Variants in PTPRF observed in about 807,000 individuals in gnomAD.
PTPRF encodes the protein receptor-type tyrosine-protein phosphatase F.
PTPRF carries 59 observed loss-of-function variants against 201.8 expected under a neutral mutation model. The ratio of observed to expected loss-of-function variants is 0.29; its 90% CI spans 0.24 to 0.36. PTPRF has a LOEUF of 0.36. Among genes scored for constraint, PTPRF ranks in the 10% least tolerant of loss-of-function variants. The pLI is 1.00. For synonymous variants in PTPRF, 1,088 were observed against 1,089.7 expected (o/e 1.00, Z 0.03); for missense variants, 2,132 against 2,690.5 (o/e 0.79, Z 4.59).
At chr1:43,550,910 T>A (rs1292760755) in intron 3 of PTPRF, among the ~76,000 whole-genome samples, 1 of 152,100 alleles carries the variant, frequency 6.6e-6, no homozygotes, top group Non-Finnish European at 1.5e-5. Context: ...AGCAGCAGCT[T>A]ATGCAAAGGC....
intron 6 of PTPRF, among the ~76,000 whole-genome samples, chr1:43,570,392 T>G (rs1377354656): frequency 1.3e-5 from 2 of 152,172 alleles, no homozygotes; most frequent in Non-Finnish European, 2.9e-5. Flanking sequence ...ATTGATTCAG[T>G]TTTTGTGGGA....
chr1:43,583,157 G>A, intron 7 of PTPRF: 1 of 947,702 alleles, frequency 1.1e-6, no homozygotes. Flanking sequence ...CCTGTCAGTA[G>A]GGCCCAGCGG....
chr1:43,588,921 C>T lies in PTPRF; in HGVS notation c.870C>T (p.Val290=), dbSNP rs114690006. Residue 290 remains valine, a synonymous_variant, in exon 8 of 34, where the codon GTC becomes GTT. Coordinates refer to ENST00000359947, the MANE Select transcript of PTPRF (RefSeq NM_002840.5). The surrounding 1 kb of genome is among the most constrained non-coding windows in gnomAD (Gnocchi z 5.3). ...GCAACGTCCTGGAGCTCAGCAATGT[C>T]GTACGCTCTGCCAACTACACCTGTG... ...VGRNVLELSN[V]VRSANYTCVA... is the part of the protein sequence containing the mutation. The T allele has an allele frequency of 7.5e-5, 120 of 1,609,068 alleles. No individual in the cohort carries two copies. In the African/African-American group the frequency reaches 1.2e-3, roughly 16 times the overall value.
At position 43,546,351 on chromosome 1, in the gene PTPRF, CAAAG is replaced by C. The variant is rs796084964; in HGVS notation, c.91+1187_91+1190del. Among the ~76,000 whole-genome samples the C allele has an allele frequency of 1.3e-5, 2 of 152,014 alleles. No homozygotes were observed. The highest frequency in any genetic ancestry group is 4.8e-5 in the African/African-American group (2 of 41,468). ...AAAGGGTCATGGGAGCACCAGGTAC[CAAAG>C]AGAGGGCTGGGCAGGTGAGAGCAAG... is the stretch of plus-strand genomic sequence containing the variant. On this transcript the variant is annotated intron_variant, in intron 3 of 33. Coordinates refer to ENST00000359947, the MANE Select transcript of PTPRF (RefSeq NM_002840.5). The surrounding 1 kb of genome is among the most constrained non-coding windows in gnomAD (Gnocchi z 4.2).
chr1:43,599,711 T>G (rs1367762126), intron 13 of PTPRF, among the ~76,000 whole-genome samples: 1 of 150,652 alleles, frequency 6.6e-6, no homozygotes, highest in Non-Finnish European at 1.5e-5. Context: ...TGGTTGCTAT[T>G]CAGATGAAGA....
In PTPRF at chr1:43,542,024, C is replaced by T. The variant is rs896282249; in HGVS notation, c.-45-3007C>T. ...TGGATTCACAAGATGCTCAACCTCGCAACCGCAGTCAGGCTAGCAGCAGCC... is the reference window on the plus strand; with the variant it reads ...TGGATTCACAAGATGCTCAACCTCGTAACCGCAGTCAGGCTAGCAGCAGCC... On this transcript the variant is annotated intron_variant, in intron 2 of 33. Transcript: ENST00000359947. This position sits in a 1 kb window ranked among gnomAD's most constrained non-coding sequence, Gnocchi z 5.2. 1.3e-5 allele frequency among the ~76,000 whole-genome samples: 2 copies of T among 152,182 alleles called. No individual in the cohort carries two copies. The highest frequency in any genetic ancestry group is 2.9e-5 in the Non-Finnish European group (2 of 68,032).
intron 13 of PTPRF, 143 bp from the exon 14 acceptor site, chr1:43,601,928 T>TG: frequency 1.2e-6 from 1 of 868,010 alleles, no homozygotes; most frequent in East Asian, 2.6e-5. Flanking sequence ...GGAGTTGTTC[T>TG]GGGGTGCTAC....
intron 6 of PTPRF, 82 bp downstream of exon 6, chr1:43,569,860 G>C (rs1042476386): frequency 7.0e-7 from 1 of 1,436,332 alleles, no homozygotes; most frequent in African/African-American, 1.4e-5. Context: ...CTACTCCCTT[G>C]GGCCTGGGCA....
chr1:43,573,035 C>G (rs938164223), intron 6 of PTPRF, among the ~76,000 whole-genome samples: 1 of 152,144 alleles, frequency 6.6e-6, no homozygotes, highest in African/African-American at 2.4e-5. Flanking sequence ...CAGGGCATGA[C>G]CCCCCAAGTA....
chr1:43,557,659 A>G (rs1242260003), intron 5 of PTPRF, among the ~76,000 whole-genome samples: 1 of 149,564 alleles, frequency 6.7e-6, no homozygotes, highest in African/African-American at 2.4e-5. Flanking sequence ...GAGGACCTGC[A>G]GGAGGTGCCT....
chr1:43,617,610 C>G, intron 24 of PTPRF, 42 bp downstream of exon 24: 2 of 1,612,254 alleles, frequency 1.2e-6, no homozygotes, highest in Non-Finnish European at 1.7e-6. Flanking sequence ...TGCTCTCCCC[C>G]TTGCTAGCTA....
intron 3 of PTPRF, among the ~76,000 whole-genome samples, chr1:43,548,774 T>C (rs961665846): frequency 6.6e-6 from 1 of 152,216 alleles, no homozygotes; most frequent in Non-Finnish European, 1.5e-5. Context: ...CAGGGATATC[T>C]GTCTCTCCAG....
At chr1:43,548,824 C>T (rs778092312) in intron 3 of PTPRF, among the ~76,000 whole-genome samples, 31 of 152,224 alleles carry the variant, frequency 2.0e-4, no homozygotes, top group Non-Finnish European at 4.4e-4. Context: ...CATGGCCCTG[C>T]CTCCGTGTGT....
rs927769096 is a variant in PTPRF, at chr1:43,588,578, A to G, written c.680-153A>G. On this transcript the variant is annotated intron_variant, in intron 7 of 33. Transcript: ENST00000359947. The surrounding 1 kb of genome is among the most constrained non-coding windows in gnomAD (Gnocchi z 5.3). ...CTGGAAGTGGGTGGGGTGGGAGTGG[A>G]TGATGAGCTGGGGTCTGGCGGTGCC... Among the ~76,000 whole-genome samples the G allele has an allele frequency of 6.6e-6, 1 of 152,046 alleles. No individual in the cohort carries two copies. Among genetic ancestry groups the G allele is most frequent in the Non-Finnish European group, 1.5e-5 (1 of 67,970 alleles).
intron 8 of PTPRF, among the ~76,000 whole-genome samples, chr1:43,589,955 A>G (rs939494516): frequency 6.6e-6 from 1 of 151,966 alleles, no homozygotes; most frequent in Non-Finnish European, 1.5e-5. Context: ...AGCTTGAGTG[A>G]TCTTTAAAAA....
chr1:43,589,047 A>AGGTCCTGGTG (rs1649918761), intron 8 of PTPRF, 47 bp downstream of exon 8: 1 of 1,487,082 alleles, frequency 6.7e-7, no homozygotes, highest in Non-Finnish European at 9.0e-7. Flanking sequence ...GTCATCTGGG[A>AGGTCCTGGTG]GGTCCTGGTG....
At chr1:43,607,958 G>A (rs1655541319) in intron 21 of PTPRF, among the ~76,000 whole-genome samples, 1 of 152,380 alleles carries the variant, frequency 6.6e-6, no homozygotes. Context: ...AGGCATGTCA[G>A]TGAGCACCTG....
chr1:43,613,042 G>A lies in PTPRF; in HGVS notation c.3974-576G>A, dbSNP rs994708345. The A allele has an allele frequency of 1.1e-4, 38 of 360,828 alleles. 1 individual carries two copies. Among genetic ancestry groups the A allele is most frequent in the Non-Finnish European group, 1.4e-4 (25 of 185,136 alleles). 22.4% of individuals were successfully genotyped at this position (360,828 alleles called of 1,614,324 possible). ...GCCCCGTCTCTGTTCTGCCTCTCTG[G>A]CCTCCAGTCCCGGCCTGACACCCTT... On this transcript the variant is annotated intron_variant, in intron 22 of 33. Transcript: ENST00000359947.
In PTPRF at chr1:43,553,699, G is replaced by A; in HGVS notation, c.237+62G>A. On this transcript the variant is annotated intron_variant, in intron 4 of 33. Coordinates refer to ENST00000359947, the MANE Select transcript of PTPRF (RefSeq NM_002840.5). This position sits in a 1 kb window ranked among gnomAD's most constrained non-coding sequence, Gnocchi z 4.1. ...GGTCTGCCCACACTCTCTCCTTTCA[G>A]TGTCCCTCCTCATGGACCTTTTGGA... The A allele has an allele frequency of 6.2e-7, 1 of 1,609,968 alleles. No individual in the cohort carries two copies. Among genetic ancestry groups the A allele is most frequent in the African/African-American group, 1.3e-5 (1 of 75,002 alleles).
Sources: allele counts gnomAD v4.1 joint callset (sites outside exome capture counted in the v4.1 genomes callset), GRCh38; gene constraint gnomAD v4.1.1; non-coding constraint Gnocchi (gnomAD v3.1); transcripts MANE v1.5; gene names NCBI Gene and HGNC (gene_info 2026-07-23, HGNC 2026-07-21).